IKZF3: variants seen among roughly 807,000 people sequenced by gnomAD.
The protein encoded by IKZF3 is zinc finger protein Aiolos.
Under a neutral mutation model 49.0 loss-of-function variants are expected in IKZF3, and 10 were observed. The ratio of observed to expected loss-of-function variants is 0.20; its 90% CI spans 0.13 to 0.35. The LOEUF is 0.35. IKZF3 is among the 10% of genes least tolerant of loss of function. The pLI is 1.00. For missense variants in IKZF3, 498 were observed against 664.8 expected (o/e 0.75, Z 2.76); for synonymous variants, 209 against 228.2 (o/e 0.92, Z 0.76).
At chr17:39,797,718 C>T (rs2061207482) in intron 3 of IKZF3, among the ~76,000 whole-genome samples, 8 of 152,150 alleles carry the variant, frequency 5.3e-5, no homozygotes, top group Admixed American at 4.6e-4. Context: ...CCACCGTGCC[C>T]GGCCCCTGCA....
intron 1 of IKZF3, 93 bp downstream of exon 1, chr17:39,864,027 G>T: frequency 6.5e-7 from 1 of 1,531,210 alleles, no homozygotes; most frequent in Non-Finnish European, 9.0e-7. Flanking sequence ...GTAAATAGAA[G>T]CAAAACTGAG....
intron 1 of IKZF3, among the ~76,000 whole-genome samples, chr17:39,860,188 G>A (rs2063178177): frequency 6.6e-6 from 1 of 152,038 alleles, no homozygotes; most frequent in Non-Finnish European, 1.5e-5. Flanking sequence ...AGGATCGTCT[G>A]AGCCTAGGAG....
At chr17:39,828,310 AACCC>A (rs2062011874) in intron 3 of IKZF3, among the ~76,000 whole-genome samples, 1 of 152,294 alleles carries the variant, frequency 6.6e-6, no homozygotes, top group South Asian at 2.1e-4. Context: ...GTACCTGTGT[AACCC>A]TATCCTGTAT....
intron 5 of IKZF3, among the ~76,000 whole-genome samples, chr17:39,789,284 G>T (rs997620740): frequency 2.6e-5 from 4 of 152,182 alleles, no homozygotes; most frequent in African/African-American, 9.7e-5. Context: ...ACAAAAATTA[G>T]CCAGGCACAG....
chr17:39,776,930 C>G (rs1476023966), intron 7 of IKZF3, among the ~76,000 whole-genome samples: 2 of 152,224 alleles, frequency 1.3e-5, no homozygotes, highest in Non-Finnish European at 2.9e-5. Context: ...AAAACTGATA[C>G]ATTCAATTTC....
At chr17:39,822,994 G>A (rs965704608) in intron 3 of IKZF3, among the ~76,000 whole-genome samples, 2 of 152,276 alleles carry the variant, frequency 1.3e-5, no homozygotes, top group African/African-American at 4.8e-5. Flanking sequence ...TTGGAACTGG[G>A]TAAAAGACAG....
intron 1 of IKZF3, among the ~76,000 whole-genome samples, chr17:39,852,808 G>A (rs2062917891): frequency 6.6e-6 from 1 of 151,942 alleles, no homozygotes; most frequent in South Asian, 2.1e-4. Flanking sequence ...TGTTCTCTAC[G>A]AAAAATACAA....
At position 39,845,159 on chromosome 17, in the gene IKZF3, T is replaced by C. The variant is rs137960224; in HGVS notation, c.8-13008A>G. 4.9e-4 allele frequency among the ~76,000 whole-genome samples: 75 copies of C among 152,338 alleles called. 1 individual carries two copies. In the Middle Eastern group the frequency reaches 0.01, roughly 21 times the overall value. On this transcript the variant is annotated intron_variant, in intron 1 of 7. Transcript: ENST00000346872. ...TAAGAATGGTTTTTACATCTTTAAATGGTTTTTAAAAATCAGAAGAATACA... is the reference window on the plus strand; with the variant it reads ...TAAGAATGGTTTTTACATCTTTAAACGGTTTTTAAAAATCAGAAGAATACA...
At chr17:39,821,933 T>C (rs541794272) in intron 3 of IKZF3, among the ~76,000 whole-genome samples, 1 of 152,306 alleles carries the variant, frequency 6.6e-6, no homozygotes, top group African/African-American at 2.4e-5. Context: ...GTATCTTGGC[T>C]TTTAAATGCT....
At chr17:39,793,237 G>C (rs907609392) in intron 3 of IKZF3, among the ~76,000 whole-genome samples, 1 of 152,152 alleles carries the variant, frequency 6.6e-6, no homozygotes, top group Non-Finnish European at 1.5e-5. Context: ...AACAAACATT[G>C]AGCAACTCTT....
At chr17:39,809,724 T>C (rs2061508240) in intron 3 of IKZF3, among the ~76,000 whole-genome samples, 1 of 152,190 alleles carries the variant, frequency 6.6e-6, no homozygotes, top group South Asian at 2.1e-4. Flanking sequence ...ATGAAGCACC[T>C]GTAATTTTCT....
At chr17:39,803,732 C>T (rs941603758) in intron 3 of IKZF3, among the ~76,000 whole-genome samples, 1 of 152,060 alleles carries the variant, frequency 6.6e-6, no homozygotes, top group African/African-American at 2.4e-5. Flanking sequence ...AGGCTGGTCT[C>T]GAACTCTGGA....
At chr17:39,781,129 C>A (rs927477371) in intron 6 of IKZF3, among the ~76,000 whole-genome samples, 5 of 152,112 alleles carry the variant, frequency 3.3e-5, no homozygotes, top group African/African-American at 9.7e-5. Context: ...TGAAGAGGGT[C>A]AAATTCTGTC....
At chr17:39,850,029 G>A (rs2062752609) in intron 1 of IKZF3, among the ~76,000 whole-genome samples, 1 of 134,928 alleles carries the variant, frequency 7.4e-6, no homozygotes, top group Non-Finnish European at 1.6e-5. Context: ...GTGTGTGTGT[G>A]TGTGTATATA....
intron 1 of IKZF3, among the ~76,000 whole-genome samples, chr17:39,837,814 T>A (rs1237846121): frequency 6.8e-6 from 1 of 147,936 alleles, no homozygotes; most frequent in East Asian, 2.0e-4. Context: ...AATTTTTGTA[T>A]TTTTTTTTTA....
intron 6 of IKZF3, among the ~76,000 whole-genome samples, chr17:39,784,427 T>C (rs947763498): frequency 6.6e-6 from 1 of 151,098 alleles, no homozygotes; most frequent in Non-Finnish European, 1.5e-5. Context: ...TTTTTTGAGA[T>C]GGAGTCTTGC....
intron 3 of IKZF3, among the ~76,000 whole-genome samples, chr17:39,815,549 T>C (rs1192990364): frequency 6.6e-6 from 1 of 152,240 alleles, no homozygotes; most frequent in Non-Finnish European, 1.5e-5. Context: ...TTTATAAAAT[T>C]GTTTTAACTC....
Position 39,766,415 on chromosome 17 carries a change from CG to C in IKZF3, c.904del (p.Arg302AlafsTer2). ...GTTATTGATGGCTTGGTCCATCATG[CG>C]GGTCTGTATGAGCTCACTCTCTTTC... ...YEKESELIQTRMMDQAINNAI... is the reference protein window; with the variant it reads ...YEKESELIQTXMMDQAINNAI... On this transcript the variant is annotated frameshift_variant, in exon 8 of 8. Coordinates refer to ENST00000346872, the MANE Select transcript of IKZF3 (RefSeq NM_012481.5). LOFTEE classifies it high-confidence loss of function. 1 of 1,614,086 alleles carries C rather than the reference CG, an allele frequency of 6.2e-7. No homozygotes were observed. The highest frequency in any genetic ancestry group is 8.5e-7 in the Non-Finnish European group (1 of 1,180,002).
chr17:39,828,230 A>T (rs1163843012), intron 3 of IKZF3, among the ~76,000 whole-genome samples: 15 of 152,220 alleles, frequency 9.9e-5, no homozygotes. Flanking sequence ...CCTTTACCCC[A>T]TCTGGCAAAA....
Sources: allele counts gnomAD v4.1 joint callset (sites outside exome capture counted in the v4.1 genomes callset), GRCh38; gene constraint gnomAD v4.1.1; transcripts MANE v1.5; gene names NCBI Gene and HGNC (gene_info 2026-07-23, HGNC 2026-07-21).